TENM3: variants seen among roughly 807,000 people sequenced by gnomAD.
The protein encoded by TENM3 is teneurin transmembrane protein 3.
In TENM3, 63 loss-of-function variants were observed where a neutral mutation model predicts 255.1. That is an observed-to-expected ratio of 0.25 (90% CI 0.20 to 0.30). The LOEUF (loss-of-function observed/expected upper bound fraction) is 0.30, where lower values mean the gene tolerates loss of function less well. Ranked by LOEUF, TENM3 falls within the 10% of genes least tolerant of loss-of-function variation. The pLI is 1.00. For synonymous variants in TENM3, 1,306 were observed against 1,322.3 expected, an observed-to-expected ratio of 0.99 and a Z score of 0.27; for missense variants, 2,929 against 3,461.1, an observed-to-expected ratio of 0.85 and a Z score of 3.86.
chr4:181,590,031 T>C, the TENM3 span, among the ~76,000 whole-genome samples: 1 of 152,170 alleles, frequency 6.6e-6, no homozygotes, highest in Non-Finnish European at 1.5e-5. Flanking sequence ...GTGCCTCTTC[T>C]CAAATCCTGC....
chr4:181,491,683 G>A, the TENM3 span, among the ~76,000 whole-genome samples: 1 of 152,220 alleles, frequency 6.6e-6, no homozygotes. Flanking sequence ...AGTAGGTTAA[G>A]TAATGATTTT....
chr4:182,570,547 C>G (rs1744251412), intron 3 of TENM3, among the ~76,000 whole-genome samples: 1 of 152,114 alleles, frequency 6.6e-6, no homozygotes, highest in Non-Finnish European at 1.5e-5. Context: ...TAGTAAATGC[C>G]TTTAAAACTT....
chr4:181,950,507 C>T, the TENM3 span, among the ~76,000 whole-genome samples: 1 of 152,130 alleles, frequency 6.6e-6, no homozygotes, highest in African/African-American at 2.4e-5. Context: ...ATTAATTGAA[C>T]ATTTATTATG....
At chr4:182,204,043 G>T (rs950115554) in intron 1 of TENM3, among the ~76,000 whole-genome samples, 10 of 152,214 alleles carry the variant, frequency 6.6e-5, no homozygotes, top group Non-Finnish European at 1.2e-4. Flanking sequence ...AGCGCCGACA[G>T]TAATGGATAG....
At chr4:182,500,002 C>T (rs946214264) in intron 3 of TENM3, among the ~76,000 whole-genome samples, 11 of 152,098 alleles carry the variant, frequency 7.2e-5, no homozygotes, top group African/African-American at 1.7e-4. Context: ...AAAATCCAAA[C>T]GAGTGAAAAG....
At chr4:181,612,565 C>T in the TENM3 span, among the ~76,000 whole-genome samples, 1 of 151,888 alleles carries the variant, frequency 6.6e-6, no homozygotes, top group African/African-American at 2.4e-5. Flanking sequence ...TCTTCATTGC[C>T]AGTATGGTCT....
the TENM3 span, among the ~76,000 whole-genome samples, chr4:181,650,209 A>G: frequency 1.3e-5 from 2 of 152,212 alleles, no homozygotes; most frequent in African/African-American, 4.8e-5. Flanking sequence ...GGATTTACTA[A>G]CAGTTACACC....
At chr4:181,899,631 G>A in the TENM3 span, among the ~76,000 whole-genome samples, 192 of 151,984 alleles carry the variant, frequency 1.3e-3, 1 homozygote, top group East Asian at 0.014. Context: ...GCAGTGGCGC[G>A]ATCTCAGCTC....
chr4:182,356,440 T>C (rs1399877873), intron 3 of TENM3, among the ~76,000 whole-genome samples: 2 of 152,114 alleles, frequency 1.3e-5, no homozygotes, highest in Middle Eastern at 3.2e-3. Flanking sequence ...CACCAGCAAC[T>C]GGAGATTATT....
chr4:182,478,715 G>C (rs1733913004), intron 3 of TENM3, among the ~76,000 whole-genome samples: 1 of 151,814 alleles, frequency 6.6e-6, no homozygotes, highest in African/African-American at 2.4e-5. Flanking sequence ...CTAGATGTCT[G>C]CTCTTCAACC....
At chr4:181,549,386 G>A in the TENM3 span, among the ~76,000 whole-genome samples, 2 of 152,050 alleles carry the variant, frequency 1.3e-5, no homozygotes, top group African/African-American at 2.4e-5. Flanking sequence ...TGTTATCCTC[G>A]GTAGTACTTT....
the TENM3 span, among the ~76,000 whole-genome samples, chr4:181,838,538 A>G: frequency 6.6e-6 from 1 of 152,080 alleles, no homozygotes; most frequent in Non-Finnish European, 1.5e-5. Context: ...CCAAACTTGT[A>G]AAAAAGACTA....
chr4:181,771,299 G>A, the TENM3 span, among the ~76,000 whole-genome samples: 17 of 152,326 alleles, frequency 1.1e-4, no homozygotes, highest in African/African-American at 4.1e-4. Flanking sequence ...CAAATGGAGG[G>A]TATAAGGACA....
chr4:182,114,810 CTATTT>C, the TENM3 span, among the ~76,000 whole-genome samples: 17 of 152,138 alleles, frequency 1.1e-4, no homozygotes, highest in Admixed American at 1.0e-3. Flanking sequence ...TATACATATA[CTATTT>C]TATTTATTTA....
At chr4:182,781,771 G>A in intron 24 of TENM3, among the ~76,000 whole-genome samples, 1 of 148,204 alleles carries the variant, frequency 6.7e-6, no homozygotes, top group African/African-American at 2.5e-5. Flanking sequence ...CTTCTTCCTG[G>A]TTTAGTCTTG....
the TENM3 span, among the ~76,000 whole-genome samples, chr4:181,525,625 C>T: frequency 6.6e-6 from 1 of 152,094 alleles, no homozygotes; most frequent in Admixed American, 6.5e-5. Context: ...TAACCCTTTG[C>T]CTGTTACCTT....
intron 1 of TENM3, among the ~76,000 whole-genome samples, chr4:182,158,153 G>A (rs1006433535): frequency 2.6e-5 from 4 of 152,168 alleles, no homozygotes; most frequent in East Asian, 1.9e-4. Context: ...GTGCCACGTC[G>A]CGCCTCTAGA....
At chr4:181,456,105 G>A in the TENM3 span, among the ~76,000 whole-genome samples, 1 of 117,654 alleles carries the variant, frequency 8.5e-6, no homozygotes, top group African/African-American at 3.5e-5. Flanking sequence ...ATGTGTGTGT[G>A]TGTGTGTGTA....
At chr4:182,080,267 T>A in the TENM3 span, among the ~76,000 whole-genome samples, 1 of 152,320 alleles carries the variant, frequency 6.6e-6, no homozygotes, top group Admixed American at 6.5e-5. Context: ...GTACCTTGAC[T>A]TCTTTCAAAA....
Sources: gnomAD v4.1 joint callset for allele counts (sites outside exome capture counted in the v4.1 genomes callset) on GRCh38, gnomAD v4.1.1 for gene constraint, MANE v1.5 for transcripts, NCBI Gene and HGNC (gene_info 2026-07-23, HGNC 2026-07-21) for gene names.